The following DYNC1I1 variants were observed in gnomAD, a reference collection of about 807,000 sequenced individuals.
The protein encoded by DYNC1I1 is dynein cytoplasmic 1 intermediate chain 1.
A neutral mutation model predicts 86.6 loss-of-function variants in DYNC1I1; 43 were observed. The observed-to-expected ratio is 0.50, with a 90% CI of 0.39 to 0.64. The LOEUF (loss-of-function observed/expected upper bound fraction) is 0.64. DYNC1I1 is among the 30% of genes least tolerant of loss of function. DYNC1I1 has a pLI of 0.00. For missense variants in DYNC1I1, 604 were observed against 788.8 expected (o/e 0.77, Z 2.81); for synonymous variants, 262 against 283.7 (o/e 0.92, Z 0.77).
Position 96,097,716 on chromosome 7 carries a change from T to C in DYNC1I1, c.*123T>C, listed in dbSNP as rs1791059320. 6.9e-7 allele frequency: 1 copy of C among 1,442,444 alleles called. No individual in the cohort carries two copies. The highest frequency in any genetic ancestry group is 1.4e-5 in the African/African-American group (1 of 70,646). The allele number at this position is 1,442,444 out of a possible 1,614,324, so 89.4% of individuals were successfully genotyped here. A position where few individuals can be genotyped will look rare whatever the true frequency, so the allele number is the denominator to read the frequency against. On this transcript the variant is annotated 3_prime_UTR_variant, in exon 17 of 17. Coordinates refer to ENST00000447467, the MANE Select transcript of DYNC1I1 (RefSeq NM_001135556.2). ...TATTGCTGTGATATTTTGGGTGCCA[T>C]ATTGTGCCAGCTTTGCTCCAAGTAT... is the stretch of plus-strand genomic sequence containing the variant.
chr7:96,061,140 T>G (rs1030664118), intron 14 of DYNC1I1, among the ~76,000 whole-genome samples: 1 of 152,018 alleles, frequency 6.6e-6, no homozygotes, highest in African/African-American at 2.4e-5. Context: ...GTTCAGTGTG[T>G]GGAGGAGATG....
rs562408455 is a variant in DYNC1I1 at position 95,995,292 on chromosome 7, G to A, written c.844-656G>A. 3.7e-5 allele frequency among the ~76,000 whole-genome samples: 4 copies of A among 109,502 alleles called. No individual in the cohort carries two copies. In the South Asian group the frequency reaches 1.2e-3, roughly 34 times the overall value. The allele number at this position is 109,502 out of a possible 152,430, so 71.8% of individuals were successfully genotyped here. The stretch of plus-strand genomic sequence containing the variant: ...AATAAATAAATAAATAAATAATGTA[G>A]AATGGCTGGCCTGGGCCAGGCGAAT... On this transcript the variant is annotated intron_variant, in intron 9 of 16. Transcript: ENST00000447467.
intron 7 of DYNC1I1, among the ~76,000 whole-genome samples, chr7:95,980,536 C>CTTTTTTTTTTTTTTTTTTTTTTTTT: frequency 1.8e-5 from 1 of 54,428 alleles, no homozygotes; most frequent in Non-Finnish European, 3.4e-5. Context: ...AGAAATCTGG[C>CTTTTTTTTTTTTTTTTTTTTTTTTT]TTTTTTTTTT....
At chr7:96,001,661 A>G (rs1334598309) in intron 10 of DYNC1I1, among the ~76,000 whole-genome samples, 1 of 152,198 alleles carries the variant, frequency 6.6e-6, no homozygotes, top group African/African-American at 2.4e-5. Context: ...TGGCTTGCAG[A>G]TGGCCACTGT....
intron 6 of DYNC1I1, among the ~76,000 whole-genome samples, chr7:95,885,030 A>T (rs1790557754): frequency 1.3e-5 from 2 of 152,354 alleles, no homozygotes; most frequent in Middle Eastern, 3.4e-3. Context: ...TTCTAACTAG[A>T]TGTCTTTCTT....
At chr7:95,818,681 G>A (rs1445962956) in intron 4 of DYNC1I1, 1 of 446,688 alleles carries the variant, frequency 2.2e-6, no homozygotes, top group East Asian at 3.2e-5. Context: ...CAACACCTGT[G>A]TATTTTATAC....
At chr7:96,044,419 A>G (rs920054508) in intron 14 of DYNC1I1, among the ~76,000 whole-genome samples, 8 of 152,178 alleles carry the variant, frequency 5.3e-5, no homozygotes, top group African/African-American at 1.9e-4. Context: ...GAATGAGTGG[A>G]AAGCAAGAAA....
At chr7:95,778,651 TTTTATTTA>T (rs149402071) in intron 1 of DYNC1I1, among the ~76,000 whole-genome samples, 52 of 151,816 alleles carry the variant, frequency 3.4e-4, no homozygotes, top group East Asian at 5.8e-4. Context: ...TTCTTTTTAG[TTTTATTTA>T]TTTATTTATT....
At chr7:96,002,232 C>T (rs1440346870) in intron 10 of DYNC1I1, among the ~76,000 whole-genome samples, 1 of 152,168 alleles carries the variant, frequency 6.6e-6, no homozygotes, top group African/African-American at 2.4e-5. Flanking sequence ...TTTCTATTGC[C>T]TAGGCCCTGT....
chr7:95,976,788 A>G (rs1210310925), intron 6 of DYNC1I1, among the ~76,000 whole-genome samples: 1 of 152,154 alleles, frequency 6.6e-6, no homozygotes, highest in Non-Finnish European at 1.5e-5. Flanking sequence ...CAAACACTAT[A>G]TAATGGAAGG....
downstream of DYNC1I1, among the ~76,000 whole-genome samples, chr7:96,101,640 AGTCTAG>A (rs1196836253): frequency 6.6e-6 from 1 of 152,212 alleles, no homozygotes; most frequent in African/African-American, 2.4e-5. Flanking sequence ...TGTTTACTAA[AGTCTAG>A]GTCTCAATGG....
intron 5 of DYNC1I1, among the ~76,000 whole-genome samples, chr7:95,839,948 A>G (rs1376385050): frequency 6.6e-6 from 1 of 151,970 alleles, no homozygotes; most frequent in Admixed American, 6.6e-5. Flanking sequence ...TTATAGTCTT[A>G]TGAGGGTTCT....
At chr7:95,889,743 T>TACA (rs990718279) in intron 6 of DYNC1I1, among the ~76,000 whole-genome samples, 15 of 152,026 alleles carry the variant, frequency 9.9e-5, no homozygotes, top group Admixed American at 3.3e-4. Flanking sequence ...TTAACAAATT[T>TACA]ACAACAACAA....
intron 9 of DYNC1I1, among the ~76,000 whole-genome samples, chr7:95,994,717 A>C (rs1241183781): frequency 6.6e-6 from 1 of 152,194 alleles, no homozygotes; most frequent in Non-Finnish European, 1.5e-5. Flanking sequence ...ATGAGCCATT[A>C]AAGTATTTTA....
chr7:96,019,865 A>G (rs1235156415), intron 10 of DYNC1I1, among the ~76,000 whole-genome samples: 1 of 152,076 alleles, frequency 6.6e-6, no homozygotes. Flanking sequence ...GTGTTTAGAG[A>G]TTTTTCTTCG....
chr7:95,885,502 G>A (rs530638913), intron 6 of DYNC1I1, among the ~76,000 whole-genome samples: 15 of 152,006 alleles, frequency 9.9e-5, no homozygotes, highest in Non-Finnish European at 1.5e-4. Context: ...CCTAAGAGAC[G>A]GAGTCTTGCT....
rs769897507 is a variant in DYNC1I1, at chr7:95,933,707, A to AT, written c.491-43797dup. On this transcript the variant is annotated intron_variant, in intron 6 of 16. Transcript: ENST00000447467. ...GACACTGCACTGAAGGCAGTGACACATTTTTTTTAAAAAAAACTTCACATA... is the reference window on the plus strand; with the variant it reads ...GACACTGCACTGAAGGCAGTGACACATTTTTTTTTAAAAAAAACTTCACATA... 4.4e-4 allele frequency among the ~76,000 whole-genome samples: 67 copies of AT among 152,084 alleles called. 1 individual carries two copies. Among genetic ancestry groups the AT allele is most frequent in the Non-Finnish European group, 7.1e-4 (48 of 67,982 alleles).
At chr7:95,819,677 A>G (rs1795031307) in intron 4 of DYNC1I1, among the ~76,000 whole-genome samples, 1 of 152,232 alleles carries the variant, frequency 6.6e-6, no homozygotes, top group South Asian at 2.1e-4. Flanking sequence ...TTAAAGTATC[A>G]TTATATAAAG....
At chr7:95,816,721 T>C (rs1794955084) in intron 4 of DYNC1I1, among the ~76,000 whole-genome samples, 1 of 152,180 alleles carries the variant, frequency 6.6e-6, no homozygotes, top group Non-Finnish European at 1.5e-5. Flanking sequence ...CTATGGTTAA[T>C]TAGTATTGTT....
Sources: gnomAD v4.1 joint callset for allele counts (sites outside exome capture counted in the v4.1 genomes callset) on GRCh38, gnomAD v4.1.1 for gene constraint, MANE v1.5 for transcripts, NCBI Gene and HGNC (gene_info 2026-07-23, HGNC 2026-07-21) for gene names.